METTL21A: variants seen among roughly 807,000 people sequenced by gnomAD.
The protein encoded by METTL21A is protein N-lysine methyltransferase METTL21A.
In METTL21A, 22 loss-of-function variants were observed where a neutral mutation model predicts 20.9. That is an observed-to-expected ratio of 1.05 (90% CI 0.75 to 1.50). The LOEUF is 1.50. METTL21A is among the 40% of genes most tolerant of loss of function. The pLI is 0.00. For synonymous variants in METTL21A, 93 were observed against 102.0 expected (o/e 0.91, Z 0.53); for missense variants, 271 against 266.8 (o/e 1.02, Z -0.11).
chr2:207,589,650 G>T (rs1467746116), intron 3 of METTL21A, among the ~76,000 whole-genome samples: 2 of 152,226 alleles, frequency 1.3e-5, no homozygotes, highest in East Asian at 3.9e-4. Flanking sequence ...TTTAGTTTCT[G>T]AGAGTTTTCA....
chr2:207,608,252 G>T (rs192135905), downstream of METTL21A, among the ~76,000 whole-genome samples: 1 of 152,076 alleles, frequency 6.6e-6, no homozygotes, highest in Admixed American at 6.5e-5. Flanking sequence ...TTCTTTCCAA[G>T]ATCAGAATAT....
At chr2:207,609,770 TCCCTCCCTCTCCCTCTCCCTCC>T (rs2088654840), downstream of METTL21A, 2 of 37,862 alleles carry the variant, frequency 5.3e-5, 1 homozygote, top group Non-Finnish European at 9.4e-5. Context: ...GAAAACCTAT[TCCCTCCCTCTCCCTCTCCCTCC>T]CCCTCCCTCT....
At chr2:207,601,822 G>C (rs1049581321) in intron 3 of METTL21A, 4 of 218,776 alleles carry the variant, frequency 1.8e-5, no homozygotes, top group African/African-American at 4.5e-5. Context: ...GAGATAAATA[G>C]TTCACTCAGT....
At chr2:207,605,705 C>A (rs185635288), downstream of METTL21A, among the ~76,000 whole-genome samples, 1 of 152,140 alleles carries the variant, frequency 6.6e-6, no homozygotes, top group Non-Finnish European at 1.5e-5. Context: ...TGTACAGATA[C>A]AGTTTAACCA....
At chr2:207,607,173 G>C (rs960036143), downstream of METTL21A, among the ~76,000 whole-genome samples, 7 of 152,222 alleles carry the variant, frequency 4.6e-5, no homozygotes, top group South Asian at 2.1e-4. Flanking sequence ...TCGATCACGA[G>C]GTCAAGAGTT....
intron 3 of METTL21A, chr2:207,597,150 T>C (rs2086312546): frequency 7.3e-7 from 1 of 1,374,074 alleles, no homozygotes; most frequent in African/African-American, 1.5e-5. Context: ...TTTCTAAACA[T>C]TTCTTTTTTT....
intron 3 of METTL21A, among the ~76,000 whole-genome samples, chr2:207,584,477 C>T (rs1200916695): frequency 1.3e-5 from 2 of 152,182 alleles, no homozygotes; most frequent in Non-Finnish European, 2.9e-5. Flanking sequence ...CATGTCGGCT[C>T]ACTGTAACCT....
At chr2:207,601,044 A>G (rs2086964091) in intron 3 of METTL21A, 3 of 190,060 alleles carry the variant, frequency 1.6e-5, no homozygotes, top group Non-Finnish European at 3.3e-5. Flanking sequence ...AGTAGGGCTA[A>G]TGTATCTTAA....
chr2:207,599,376 T>C lies in METTL21A; in HGVS notation c.260-17216A>G, dbSNP rs554460945. 2.4e-5 allele frequency: 5 copies of C among 207,730 alleles called. No individual in the cohort carries two copies. In the East Asian group the frequency reaches 3.7e-4, roughly 15 times the overall value. The allele number at this position is 207,730 out of a possible 1,614,324, so 12.9% of individuals were successfully genotyped here. A position where few individuals can be genotyped will look rare whatever the true frequency, so the allele number is the denominator to read the frequency against. The stretch of plus-strand genomic sequence containing the variant: ...TTTTGAATGAAGTAAGTGTTATAAA[T>C]GAAAAATTGCCTGATGTTTAGCAGT... On this transcript the variant is annotated intron_variant, in intron 3 of 3. Transcript: ENST00000425132.
At chr2:207,602,768 ATAAT>A (rs1296152036) in intron 3 of METTL21A, 1 of 214,376 alleles carries the variant, frequency 4.7e-6, no homozygotes, top group African/African-American at 2.3e-5. Flanking sequence ...AAAGTGGGAA[ATAAT>A]TGTCAACATT....
At chr2:207,605,490 T>C (rs2106747492), downstream of METTL21A, among the ~76,000 whole-genome samples, 2 of 152,314 alleles carry the variant, frequency 1.3e-5, no homozygotes, top group Middle Eastern at 3.4e-3. Context: ...ATGTCCTCAT[T>C]GTTTTCAAAC....
In METTL21A at chr2:207,596,825, A is replaced by G. The variant is rs1051507632; in HGVS notation, c.260-14665T>C. 5.4e-6 allele frequency: 8 copies of G among 1,469,946 alleles called. No individual in the cohort carries two copies. In the African/African-American group the frequency reaches 8.7e-5, roughly 16 times the overall value. 91.1% of individuals were successfully genotyped at this position (1,469,946 alleles called of 1,614,324 possible). On this transcript the variant is annotated intron_variant, in intron 3 of 3. Transcript: ENST00000425132. Reference sequence around the variant, plus strand: ...ACTAAAATGTTGGTTGCTGTGAGCTATTTCTTTAAAAAAGAAAAAAAAAAG... The same window carrying G: ...ACTAAAATGTTGGTTGCTGTGAGCTGTTTCTTTAAAAAAGAAAAAAAAAAG...
intron 3 of METTL21A, chr2:207,602,549 G>A (rs13386109): frequency 0.012 from 2,567 of 210,730 alleles, 37 homozygotes; most frequent in African/African-American, 0.035. Flanking sequence ...AGAGAAGTGA[G>A]AGTAAATCTG....
rs372721732 is a variant in METTL21A, at chr2:207,621,838, G to A, written c.227C>T (p.Thr76Met). The change falls in exon 3 of 4, where the codon ACG becomes ATG. Residue 76 changes from threonine (T) to methionine (M), a missense_variant. By Grantham distance (81) the Thr-to-Met change is moderately conservative (BLOSUM62 -1). Transcript: ENST00000406927. ...GGCAGCCACTATGCCCACCAGCCCC[G>A]TGCCAGCACCCAGCTCCACGGCAGA... 75 of 1,614,142 alleles carry A rather than the reference G, an allele frequency of 4.6e-5. 2 individuals carry two copies. Among genetic ancestry groups the A allele is most frequent in the South Asian group, 3.7e-4 (34 of 91,092 alleles).
exon 4 of METTL21A, chr2:207,613,055 C>G: frequency 6.4e-7 from 1 of 1,556,048 alleles, no homozygotes; most frequent in Non-Finnish European, 8.7e-7. Context: ...ATTATAAGTC[C>G]TCCTTCTGGT....
intron 3 of METTL21A, chr2:207,582,259 T>C (rs1057511668): frequency 3.4e-5 from 23 of 669,774 alleles, no homozygotes; most frequent in Non-Finnish European, 5.4e-5. Context: ...TATGCAGATA[T>C]ATTCTTTTCT....
intron 3 of METTL21A, chr2:207,601,522 T>C (rs1575068016): frequency 5.1e-6 from 1 of 195,910 alleles, no homozygotes; most frequent in Non-Finnish European, 1.1e-5. Context: ...TGGATGAAGA[T>C]TGAAGGGAAA....
At chr2:207,580,674 G>A (rs2082855413), downstream of METTL21A, 1 of 221,170 alleles carries the variant, frequency 4.5e-6, no homozygotes, top group African/African-American at 2.2e-5. Context: ...ATGAAGGTAA[G>A]TGGTAAACAT....
chr2:207,593,755 A>G lies in METTL21A; in HGVS notation c.260-11595T>C, dbSNP rs549875237. Among the ~76,000 whole-genome samples the G allele has an allele frequency of 4.4e-5, 6 of 136,542 alleles. No individual in the cohort carries two copies. In the South Asian group the frequency reaches 6.8e-4, roughly 16 times the overall value. The allele number at this position is 136,542 out of a possible 152,430, so 89.6% of individuals were successfully genotyped here. A position where few individuals can be genotyped will look rare whatever the true frequency, so the allele number is the denominator to read the frequency against. On this transcript the variant is annotated intron_variant, in intron 3 of 3. Coordinates refer to the METTL21A transcript ENST00000425132. Reference sequence around the variant, plus strand: ...TTTTTTTTTTGAGACGGAAACACCTATCACCCAGGCTGGAGTGCAGTGGCG... The same window carrying G: ...TTTTTTTTTTGAGACGGAAACACCTGTCACCCAGGCTGGAGTGCAGTGGCG...
Sources: allele counts gnomAD v4.1 joint callset (sites outside exome capture counted in the v4.1 genomes callset), GRCh38; gene constraint gnomAD v4.1.1; transcripts MANE v1.5; gene names NCBI Gene and HGNC (gene_info 2026-07-23, HGNC 2026-07-21).